PDS5A: variants seen among roughly 807,000 people sequenced by gnomAD.
The protein encoded by PDS5A is sister chromatid cohesion protein PDS5 homolog A.
Under a neutral mutation model 167.1 loss-of-function variants are expected in PDS5A, and 42 were observed. That is an observed-to-expected ratio of 0.25 (90% CI 0.20 to 0.33). The LOEUF (loss-of-function observed/expected upper bound fraction) is 0.33, where lower values mean the gene tolerates loss of function less well. PDS5A is among the 10% of genes least tolerant of loss of function. The pLI is 1.00. For missense variants in PDS5A, 1,033 were observed against 1,605.9 expected (o/e 0.64, Z 6.10); for synonymous variants, 553 against 554.6 (o/e 1.00, Z 0.04).
In PDS5A at chr4:39,860,336, A is replaced by C. The variant is rs1056384784; in HGVS notation, c.3086+1883T>G. On this transcript the variant is annotated intron_variant, in intron 26 of 32. Coordinates refer to ENST00000303538, the MANE Select transcript of PDS5A (RefSeq NM_001100399.2). ...AAAAATTAGCTGGTTGTGGTGGTAC[A>C]CGTCTGTAGTGCTAACTCCTTGGGA... Among the ~76,000 whole-genome samples, 21 of 152,040 alleles carry C rather than the reference A, an allele frequency of 1.4e-4. No individual in the cohort carries two copies. In the Middle Eastern group the frequency reaches 0.01, roughly 74 times the overall value.
In PDS5A at chr4:39,925,967, A is replaced by G. The variant is rs1450592749; in HGVS notation, c.430-34T>C. 3 of 686,156 alleles carry G rather than the reference A, an allele frequency of 4.4e-6. No homozygotes were observed. The South Asian group carries it at 8.7e-5, about 20-fold the overall frequency. The allele number at this position is 686,156 out of a possible 1,614,324, so 42.5% of individuals were successfully genotyped here. ...AATAAAAATAATTATTGAATTATAC[A>G]TATATACAGAATAGTTATATAATAA... On this transcript the variant is annotated intron_variant, in intron 4 of 32. Transcript: ENST00000303538.
At chr4:39,938,885 G>A (rs1465020716) in intron 2 of PDS5A, among the ~76,000 whole-genome samples, 2 of 151,664 alleles carry the variant, frequency 1.3e-5, no homozygotes, top group African/African-American at 2.4e-5. Flanking sequence ...CAGAAGAATC[G>A]CTTGAACCAG....
intron 13 of PDS5A, among the ~76,000 whole-genome samples, chr4:39,900,823 A>C (rs1215236009): frequency 6.6e-6 from 1 of 152,196 alleles, no homozygotes; most frequent in Non-Finnish European, 1.5e-5. Context: ...AAGGGACATA[A>C]AACAAACTGA....
intron 30 of PDS5A, among the ~76,000 whole-genome samples, chr4:39,842,909 TTATATATATA>T (rs71194933): frequency 0.3 from 27,416 of 92,354 alleles, 4,359 homozygotes; most frequent in Middle Eastern, 0.5. Flanking sequence ...TATCCTATTT[TTATATATATA>T]TATATATATA....
At chr4:39,864,375 C>T (rs1578629374) in intron 23 of PDS5A, among the ~76,000 whole-genome samples, 3 of 152,228 alleles carry the variant, frequency 2.0e-5, no homozygotes, top group African/African-American at 7.2e-5. Context: ...GTTCCTGGGG[C>T]TGATCTCCTT....
At position 39,908,523 on chromosome 4, in the gene PDS5A, A is replaced by C. The variant is rs752735851; in HGVS notation, c.1105T>G (p.Ser369Ala). 4 of 1,585,102 alleles carry C rather than the reference A, an allele frequency of 2.5e-6. No homozygotes were observed. Among genetic ancestry groups the C allele is most frequent in the African/African-American group, 1.3e-5 (1 of 74,196 alleles). ...KDLTEYLKVRSHDPEEAIRHD... is the reference protein window; with the variant it reads ...KDLTEYLKVRAHDPEEAIRHD... ...CGAATAGCTTCTTCTGGATCATGTG[A>C]TCTAACCTTTAAATATTCTGTAATA... The change falls in exon 11 of 33, where the codon TCA becomes GCA. Residue 369 changes from serine (S) to alanine (A), a missense_variant. Physicochemically the swap from Ser to Ala is moderately conservative, Grantham distance 99 (BLOSUM62 1). Transcript: ENST00000303538.
At chr4:39,881,462 A>G (rs548542085) in intron 17 of PDS5A, among the ~76,000 whole-genome samples, 112 of 151,994 alleles carry the variant, frequency 7.4e-4, no homozygotes, top group Non-Finnish European at 1.4e-3. Flanking sequence ...CTCTTACATC[A>G]CAAGAATTAT....
chr4:39,838,271 A>T, intron 31 of PDS5A, 63 bp from the exon 32 acceptor site: 1 of 1,179,834 alleles, frequency 8.5e-7, no homozygotes, highest in Non-Finnish European at 1.2e-6. Context: ...TCTCTATTAG[A>T]AAAGAGTGTT....
chr4:39,927,901 G>T, intron 3 of PDS5A, 60 bp downstream of exon 3: 1 of 1,138,376 alleles, frequency 8.8e-7, no homozygotes, highest in Non-Finnish European at 1.3e-6. Context: ...AAAAATAAAA[G>T]TATACCTTCT....
chr4:39,876,198 TC>T (rs1352517840), intron 19 of PDS5A, among the ~76,000 whole-genome samples: 5 of 152,176 alleles, frequency 3.3e-5, no homozygotes, highest in Non-Finnish European at 5.9e-5. Flanking sequence ...TCCTATTGTG[TC>T]AGTGATCTTT....
At chr4:39,938,434 A>G (rs1726862043) in intron 2 of PDS5A, among the ~76,000 whole-genome samples, 1 of 151,974 alleles carries the variant, frequency 6.6e-6, no homozygotes, top group Admixed American at 6.6e-5. Context: ...AGGTGCCTGT[A>G]ATCCCAGCTA....
chr4:39,844,831 AACAC>A (rs775607611), intron 29 of PDS5A, 30 bp from the exon 30 acceptor site: 1 of 1,587,006 alleles, frequency 6.3e-7, no homozygotes, highest in Admixed American at 1.9e-5. Context: ...ACCCCCCAAA[AACAC>A]ACACGTTTAT....
intron 11 of PDS5A, among the ~76,000 whole-genome samples, chr4:39,907,774 G>A (rs578078559): frequency 7.2e-5 from 11 of 152,192 alleles, no homozygotes; most frequent in Middle Eastern, 3.4e-3. Flanking sequence ...TTTTAGTAGA[G>A]ACGGGGTTTC....
chr4:39,962,552 A>T (rs1488115037), intron 2 of PDS5A, among the ~76,000 whole-genome samples: 4 of 151,672 alleles, frequency 2.6e-5, no homozygotes, highest in Admixed American at 2.0e-4. Flanking sequence ...ATGCCTGTAA[A>T]CCTAGCACTT....
At chr4:39,884,014 C>G (rs530295818) in intron 17 of PDS5A, among the ~76,000 whole-genome samples, 1 of 151,682 alleles carries the variant, frequency 6.6e-6, no homozygotes, top group East Asian at 1.9e-4. Context: ...CTGCAACCTC[C>G]GCCTCCTAGG....
intron 13 of PDS5A, among the ~76,000 whole-genome samples, chr4:39,901,107 T>TGACCTCTG (rs1486961282): frequency 6.6e-6 from 1 of 152,190 alleles, no homozygotes; most frequent in African/African-American, 2.4e-5. Context: ...GGTGCCCAGA[T>TGACCTCTG]GACCTCTGAG....
chr4:39,931,660 A>T (rs1403162211), intron 2 of PDS5A, among the ~76,000 whole-genome samples: 3 of 152,176 alleles, frequency 2.0e-5, no homozygotes, highest in African/African-American at 7.2e-5. Context: ...GCAAATATGA[A>T]GTGGCAGTCT....
intron 20 of PDS5A, among the ~76,000 whole-genome samples, 158 bp from the exon 21 acceptor site, chr4:39,873,302 G>A (rs1321726122): frequency 1.3e-5 from 2 of 152,044 alleles, no homozygotes; most frequent in East Asian, 3.8e-4. Context: ...TAAGACACCT[G>A]GTTCTTAATT....
At chr4:39,833,204 A>AG (rs1716076197) in intron 32 of PDS5A, among the ~76,000 whole-genome samples, 1 of 147,860 alleles carries the variant, frequency 6.8e-6, no homozygotes, top group African/African-American at 2.4e-5. Flanking sequence ...AAAAAAAAAA[A>AG]AAAAAAAAAA....
Sources: gnomAD v4.1 joint callset for allele counts (sites outside exome capture counted in the v4.1 genomes callset) on GRCh38, gnomAD v4.1.1 for gene constraint, MANE v1.5 for transcripts, NCBI Gene and HGNC (gene_info 2026-07-23, HGNC 2026-07-21) for gene names.